The following TSPAN7 variants were observed in gnomAD, a reference collection of about 807,000 sequenced individuals.
TSPAN7 encodes tetraspanin 7, also known as tetraspanin-7.
Under a neutral mutation model 17.6 loss-of-function variants are expected in TSPAN7, and 1 was observed. The observed-to-expected ratio is 0.06, with a 90% CI of 0.02 to 0.27. The LOEUF is 0.27. Ranked by LOEUF, TSPAN7 falls within the 10% of genes least tolerant of loss-of-function variation. The pLI, the probability that TSPAN7 is intolerant of heterozygous loss-of-function variation, is 1.00. For synonymous variants in TSPAN7, 78 were observed against 79.0 expected (o/e 0.99, Z 0.07); for missense variants, 112 against 201.7 (o/e 0.56, Z 2.69).
At chrX:38,661,325 T>A (rs1464631132) in intron 1 of TSPAN7, among the ~76,000 whole-genome samples, 1 of 112,871 alleles carries the variant, frequency 8.9e-6, no homozygotes, top group African/African-American at 3.2e-5. Flanking sequence ...TAAAGTAATA[T>A]GTATCATCAC....
At chrX:38,623,160 C>A (rs2069498902) in intron 1 of TSPAN7, 2 of 307,959 alleles carry the variant, frequency 6.5e-6, no homozygotes, top group Non-Finnish European at 1.3e-5. Flanking sequence ...ACTTTGTAAA[C>A]CCTGAAGTGT....
rs146617272 is a variant in TSPAN7 at position 38,588,414 on chromosome X, G to A, written c.81+26787G>A. ...TAGGAATCTTGCTGTTTTTATTTGTGGGTTTATTTTAGGCAAACTATCAAC... is the reference window on the plus strand; with the variant it reads ...TAGGAATCTTGCTGTTTTTATTTGTAGGTTTATTTTAGGCAAACTATCAAC... On this transcript the variant is annotated intron_variant, in intron 1 of 7. Coordinates refer to ENST00000378482, the MANE Select transcript of TSPAN7 (RefSeq NM_004615.4). Among the ~76,000 whole-genome samples the A allele has an allele frequency of 2.9e-3, 326 of 111,272 alleles. 1 individual carries two copies. Among genetic ancestry groups the A allele is most frequent in the African/African-American group, 9.8e-3 (301 of 30,648 alleles).
intron 1 of TSPAN7, among the ~76,000 whole-genome samples, chrX:38,602,493 T>A (rs760224740): frequency 9.0e-5 from 10 of 111,305 alleles, no homozygotes; most frequent in Middle Eastern, 4.2e-3. Flanking sequence ...AATATGCCAA[T>A]AGAAAAATCA....
intron 1 of TSPAN7, among the ~76,000 whole-genome samples, chrX:38,651,480 G>A (rs775458042): frequency 2.7e-5 from 3 of 111,819 alleles, no homozygotes; most frequent in Non-Finnish European, 3.8e-5. Flanking sequence ...AAAGAAGTCA[G>A]TCATAAGAGG....
intron 1 of TSPAN7, among the ~76,000 whole-genome samples, chrX:38,642,347 T>C (rs1054299235): frequency 1.8e-5 from 2 of 112,061 alleles, no homozygotes; most frequent in African/African-American, 6.5e-5. Context: ...TCCCAGTGGG[T>C]ATTTATAGGA....
At chrX:38,574,761 A>G (rs1393680759) in intron 1 of TSPAN7, among the ~76,000 whole-genome samples, 6 of 111,086 alleles carry the variant, frequency 5.4e-5, no homozygotes, top group African/African-American at 2.0e-4. Context: ...AAATCAAGAG[A>G]TATTTTCGGG....
chrX:38,660,182 G>T (rs2069735923), intron 1 of TSPAN7, among the ~76,000 whole-genome samples: 1 of 111,208 alleles, frequency 9.0e-6, no homozygotes, highest in Non-Finnish European at 1.9e-5. Flanking sequence ...CCACTCATCT[G>T]GAATGGGTTC....
At chrX:38,567,113 G>A (rs1317061482) in intron 1 of TSPAN7, among the ~76,000 whole-genome samples, 2 of 109,871 alleles carry the variant, frequency 1.8e-5, no homozygotes, top group Non-Finnish European at 3.8e-5. Context: ...TGTCCAGAAA[G>A]TTTAGGTACT....
intron 1 of TSPAN7, among the ~76,000 whole-genome samples, chrX:38,600,662 A>C (rs1318665840): frequency 1.8e-5 from 2 of 111,914 alleles, no homozygotes; most frequent in Admixed American, 1.9e-4. Context: ...TTGTTTTCCA[A>C]GCCTCATTTC....
intron 1 of TSPAN7, among the ~76,000 whole-genome samples, chrX:38,592,768 G>T (rs1427185774): frequency 9.2e-6 from 1 of 109,052 alleles, no homozygotes; most frequent in Admixed American, 9.8e-5. Flanking sequence ...TACTTATGGG[G>T]TACCACCACA....
chrX:38,573,080 T>G (rs1439828938), intron 1 of TSPAN7, among the ~76,000 whole-genome samples: 1 of 111,871 alleles, frequency 8.9e-6, no homozygotes, highest in African/African-American at 3.2e-5. Context: ...TCAAGTGCAT[T>G]ATAAACTAAA....
Position 38,650,125 on chromosome X carries a change from C to G in TSPAN7, c.82-15996C>G, listed in dbSNP as rs750437719. On this transcript the variant is annotated intron_variant, in intron 1 of 7. Transcript: ENST00000378482. ...AGCTGATGTGCAAGAGAAGTACATCCCAGAGCCCTGACTATAGGGAAGGGT... is the reference window on the plus strand; with the variant it reads ...AGCTGATGTGCAAGAGAAGTACATCGCAGAGCCCTGACTATAGGGAAGGGT... Among the ~76,000 whole-genome samples, 165 of 111,782 alleles carry G rather than the reference C, an allele frequency of 1.5e-3. 1 individual carries two copies. Among genetic ancestry groups the G allele is most frequent in the Middle Eastern group, 4.6e-3 (1 of 216 alleles).
chrX:38,627,222 A>C (rs925434267), intron 1 of TSPAN7, among the ~76,000 whole-genome samples: 1 of 111,501 alleles, frequency 9.0e-6, no homozygotes, highest in Non-Finnish European at 1.9e-5. Context: ...TAAAGAGAGA[A>C]ATTGAAGAGA....
chrX:38,683,109 C>T (rs762746454), intron 6 of TSPAN7, among the ~76,000 whole-genome samples: 130 of 111,856 alleles, frequency 1.2e-3, no homozygotes, highest in African/African-American at 4.1e-3. Context: ...AAGAGAGCCT[C>T]AAAGAACCTG....
At chrX:38,577,063 G>T (rs1039235652) in intron 1 of TSPAN7, among the ~76,000 whole-genome samples, 1 of 111,656 alleles carries the variant, frequency 9.0e-6, no homozygotes, top group Non-Finnish European at 1.9e-5. Context: ...GAGGACAGGG[G>T]ACAGCTACTT....
At chrX:38,665,514 G>A (rs2069776622) in intron 1 of TSPAN7, among the ~76,000 whole-genome samples, 1 of 111,946 alleles carries the variant, frequency 8.9e-6, no homozygotes, top group Non-Finnish European at 1.9e-5. Context: ...CTGATCAGTG[G>A]GATTTGGCAA....
intron 1 of TSPAN7, among the ~76,000 whole-genome samples, chrX:38,622,248 C>A (rs2069492388): frequency 8.9e-6 from 1 of 112,539 alleles, no homozygotes; most frequent in Admixed American, 9.4e-5. Flanking sequence ...AACTGAATAT[C>A]CTTGGCTCTA....
At chrX:38,675,435 T>C (rs1197090893) in intron 4 of TSPAN7, among the ~76,000 whole-genome samples, 1 of 112,186 alleles carries the variant, frequency 8.9e-6, no homozygotes, top group Non-Finnish European at 1.9e-5. Flanking sequence ...TAGGTGATTG[T>C]GAGTTGGACA....
rs765451460 is a variant in TSPAN7, at chrX:38,582,757, G to T, written c.81+21130G>T. The stretch of plus-strand genomic sequence containing the variant: ...GTGTGAAAAGTAACCCCCTACACCT[G>T]CTCCAGCAATTAAAGAATGGAGTTT... On this transcript the variant is annotated intron_variant, in intron 1 of 7. Coordinates refer to ENST00000378482, the MANE Select transcript of TSPAN7 (RefSeq NM_004615.4). Among the ~76,000 whole-genome samples, 110 of 112,330 alleles carry T rather than the reference G, an allele frequency of 9.8e-4. 1 individual carries two copies. The highest frequency in any genetic ancestry group is 7.1e-3 in the Admixed American group (76 of 10,647).
Sources: gnomAD v4.1 joint callset for allele counts (sites outside exome capture counted in the v4.1 genomes callset) on GRCh38, gnomAD v4.1.1 for gene constraint, MANE v1.5 for transcripts, NCBI Gene and HGNC (gene_info 2026-07-23, HGNC 2026-07-21) for gene names.